The following SUDS3 variants were observed in gnomAD, a reference collection of about 807,000 sequenced individuals.
The protein encoded by SUDS3 is SIN3A corepressor complex component SDS3.
In SUDS3, 23 loss-of-function variants were observed where a neutral mutation model predicts 53.5. That is an observed-to-expected ratio of 0.43 (90% CI 0.31 to 0.61). The LOEUF (loss-of-function observed/expected upper bound fraction) is 0.61. Ranked by LOEUF, SUDS3 falls within the 20% of genes least tolerant of loss-of-function variation. SUDS3 has a pLI of 0.10. For missense variants in SUDS3, 291 were observed against 405.9 expected (o/e 0.72, Z 2.43); for synonymous variants, 150 against 148.5 (o/e 1.01, Z -0.08).
At chr12:118,384,998 C>T (rs1230987432) in intron 3 of SUDS3, among the ~76,000 whole-genome samples, 3 of 152,158 alleles carry the variant, frequency 2.0e-5, no homozygotes, top group Non-Finnish European at 2.9e-5. Context: ...GCATGAGGAG[C>T]GTCTAGCACA....
At chr12:118,405,123 C>T (rs1054456901) in intron 10 of SUDS3, among the ~76,000 whole-genome samples, 1 of 152,200 alleles carries the variant, frequency 6.6e-6, no homozygotes, top group South Asian at 2.1e-4. Context: ...CAGGCTCTAA[C>T]AGCTTAACAC....
chr12:118,397,281 T>A (rs551563006), intron 6 of SUDS3, among the ~76,000 whole-genome samples: 2 of 152,146 alleles, frequency 1.3e-5, no homozygotes, highest in Non-Finnish European at 2.9e-5. Flanking sequence ...TTGATTTTTG[T>A]CAGTGTAGCC....
chr12:118,409,352 G>A (rs374465873), intron 10 of SUDS3, among the ~76,000 whole-genome samples: 43 of 152,128 alleles, frequency 2.8e-4, no homozygotes, highest in South Asian at 2.3e-3. Flanking sequence ...TCACCATGTT[G>A]GCCAGGCTGG....
intron 2 of SUDS3, among the ~76,000 whole-genome samples, chr12:118,382,349 CTTTTTTT>C (rs1566196226): frequency 1.1e-4 from 9 of 79,078 alleles, no homozygotes; most frequent in African/African-American, 3.0e-4. Flanking sequence ...TGCCAGGCCA[CTTTTTTT>C]TGAGACAGTA....
chr12:118,379,954 A>G (rs976487722), intron 1 of SUDS3, among the ~76,000 whole-genome samples: 3 of 152,186 alleles, frequency 2.0e-5, no homozygotes, highest in Non-Finnish European at 2.9e-5. Context: ...AATTCTTTGC[A>G]TTGGCCTTTT....
intron 10 of SUDS3, among the ~76,000 whole-genome samples, chr12:118,407,444 G>A (rs1452899429): frequency 6.6e-6 from 1 of 152,150 alleles, no homozygotes; most frequent in Non-Finnish European, 1.5e-5. Context: ...ACCATTCAGT[G>A]ATTCCAAAGG....
chr12:118,397,517 G>A (rs1593769735), intron 6 of SUDS3, among the ~76,000 whole-genome samples: 6 of 152,220 alleles, frequency 3.9e-5, no homozygotes, highest in Admixed American at 3.9e-4. Context: ...GTCTGTTGGG[G>A]CTGTGATACA....
intron 2 of SUDS3, among the ~76,000 whole-genome samples, chr12:118,382,887 C>T (rs1336173877): frequency 2.0e-5 from 3 of 151,496 alleles, no homozygotes; most frequent in African/African-American, 4.9e-5. Context: ...AGGTTGGTCT[C>T]GAACTCCTGA....
intron 9 of SUDS3, 60 bp from the exon 10 acceptor site, chr12:118,403,352 A>G: frequency 7.8e-7 from 1 of 1,283,268 alleles, no homozygotes; most frequent in South Asian, 1.3e-5. Flanking sequence ...AAGCATGTTA[A>G]CTGGTAGACT....
chr12:118,380,029 G>T, intron 1 of SUDS3, 133 bp from the exon 2 acceptor site: 2 of 709,084 alleles, frequency 2.8e-6, no homozygotes, highest in Non-Finnish European at 4.8e-6. Flanking sequence ...GTTTTTCATT[G>T]ATGGCTTTGT....
chr12:118,386,275 C>T, intron 4 of SUDS3, 90 bp downstream of exon 4: 1 of 987,114 alleles, frequency 1.0e-6, no homozygotes, highest in Non-Finnish European at 1.5e-6. Flanking sequence ...AGCTATTCTC[C>T]AAAACATATC....
At chr12:118,385,430 G>A (rs1473246930) in intron 3 of SUDS3, among the ~76,000 whole-genome samples, 1 of 152,152 alleles carries the variant, frequency 6.6e-6, no homozygotes, top group Non-Finnish European at 1.5e-5. Context: ...TTTCTACTAT[G>A]TGCTTTTATT....
chr12:118,407,899 A>T (rs1293037148), intron 10 of SUDS3, among the ~76,000 whole-genome samples: 3 of 134,720 alleles, frequency 2.2e-5, no homozygotes, highest in African/African-American at 5.6e-5. Context: ...TTTGTATTTT[A>T]TTTATTTATT....
chr12:118,396,756 G>C (rs896858286), intron 6 of SUDS3, among the ~76,000 whole-genome samples: 1 of 152,202 alleles, frequency 6.6e-6, no homozygotes, highest in Non-Finnish European at 1.5e-5. Context: ...CAGTAAACTG[G>C]TAATTGTATG....
intron 6 of SUDS3, among the ~76,000 whole-genome samples, chr12:118,393,519 A>G (rs906751483): frequency 6.6e-6 from 1 of 152,312 alleles, no homozygotes; most frequent in Admixed American, 6.5e-5. Context: ...GAAATGAGTA[A>G]CTGTACATAG....
At chr12:118,399,012 A>G (rs1010213375) in intron 6 of SUDS3, among the ~76,000 whole-genome samples, 2 of 152,142 alleles carry the variant, frequency 1.3e-5, no homozygotes, top group African/African-American at 2.4e-5. Context: ...ATTATGTAGG[A>G]GTTTGCTGGG....
rs138502924 is a variant in SUDS3 at position 118,400,055 on chromosome 12, T to C, written c.518-604T>C. 7.8e-4 allele frequency among the ~76,000 whole-genome samples: 118 copies of C among 152,154 alleles called. 1 individual carries two copies. In the East Asian group the frequency reaches 0.021, roughly 27 times the overall value. On this transcript the variant is annotated intron_variant, in intron 6 of 11. Transcript: ENST00000543473. Reference sequence around the variant, plus strand: ...AAGGCGTGGGGAGTCAGCAGCAGTGTGAGACCACAGAGAGGAGTGAAGAAG... The same window carrying C: ...AAGGCGTGGGGAGTCAGCAGCAGTGCGAGACCACAGAGAGGAGTGAAGAAG...
chr12:118,402,152 A>G, intron 9 of SUDS3, 148 bp downstream of exon 9: 1 of 783,310 alleles, frequency 1.3e-6, no homozygotes, highest in South Asian at 1.7e-5. Context: ...ACTGAAGGGG[A>G]CCTTAACTAT....
intron 4 of SUDS3, among the ~76,000 whole-genome samples, chr12:118,389,405 G>A (rs961946964): frequency 2.0e-5 from 3 of 152,156 alleles, no homozygotes; most frequent in African/African-American, 7.2e-5. Context: ...TTGGCGGGTG[G>A]ACTGAGTGAA....
Sources: allele counts gnomAD v4.1 joint callset (sites outside exome capture counted in the v4.1 genomes callset), GRCh38; gene constraint gnomAD v4.1.1; transcripts MANE v1.5; gene names NCBI Gene and HGNC (gene_info 2026-07-23, HGNC 2026-07-21).